The following NEK1 variants were observed in gnomAD, a reference collection of about 807,000 sequenced individuals.
The protein encoded by NEK1 is NIMA related kinase 1, also known as serine/threonine-protein kinase Nek1.
In NEK1, 137 loss-of-function variants were observed where a neutral mutation model predicts 182.1. The observed-to-expected ratio is 0.75, with a 90% CI of 0.65 to 0.87. The LOEUF (loss-of-function observed/expected upper bound fraction) is 0.87, where lower values mean the gene tolerates loss of function less well. NEK1 is among the 40% of genes least tolerant of loss of function. The pLI is 0.00. For synonymous variants in NEK1, 513 were observed against 492.2 expected (o/e 1.04, Z -0.56); for missense variants, 1,391 against 1,494.4 (o/e 0.93, Z 1.14).
chr4:169,452,854 G>A (rs1223262473), intron 27 of NEK1, among the ~76,000 whole-genome samples: 1 of 152,140 alleles, frequency 6.6e-6, no homozygotes, highest in Admixed American at 6.5e-5. Flanking sequence ...TATTCAGTTA[G>A]GAAAAGAGGA....
intron 19 of NEK1, among the ~76,000 whole-genome samples, chr4:169,513,062 GT>G (rs1235185720): frequency 2.0e-5 from 3 of 151,980 alleles, no homozygotes; most frequent in African/African-American, 7.2e-5. Context: ...CTTCAAAATT[GT>G]TTTAGTTACT....
At chr4:169,467,242 T>A (rs1434761320) in intron 26 of NEK1, among the ~76,000 whole-genome samples, 1 of 152,172 alleles carries the variant, frequency 6.6e-6, no homozygotes, top group Non-Finnish European at 1.5e-5. Flanking sequence ...AGGCTATTAC[T>A]AGTTAAATTT....
rs896786881 is a variant in NEK1, at chr4:169,515,512, T to A, written c.1666-6660A>T. 2.4e-4 allele frequency among the ~76,000 whole-genome samples: 36 copies of A among 147,392 alleles called. No individual in the cohort carries two copies. The East Asian group carries it at 4.0e-3, about 17-fold the overall frequency. On this transcript the variant is annotated intron_variant, in intron 19 of 35. Coordinates refer to ENST00000507142, the MANE Select transcript of NEK1 (RefSeq NM_001199397.3). ...ATTGCAATAACTTCTTTTTTTTTTT[T>A]TTATTATACTCTAAGTTTTAGGGTA... is the stretch of plus-strand genomic sequence containing the variant.
chr4:169,438,943 C>T (rs1018733685), intron 27 of NEK1, among the ~76,000 whole-genome samples: 3 of 152,140 alleles, frequency 2.0e-5, no homozygotes, highest in African/African-American at 7.2e-5. Context: ...TTTAAATTTC[C>T]AGTGTTAAGT....
intron 19 of NEK1, among the ~76,000 whole-genome samples, chr4:169,515,038 T>C (rs1037894553): frequency 6.6e-6 from 1 of 152,204 alleles, no homozygotes; most frequent in Non-Finnish European, 1.5e-5. Context: ...TCTATTTCCA[T>C]TCTGTTCTAT....
At chr4:169,523,750 T>C (rs1756462291) in intron 19 of NEK1, among the ~76,000 whole-genome samples, 2 of 152,236 alleles carry the variant, frequency 1.3e-5, no homozygotes, top group Admixed American at 6.5e-5. Flanking sequence ...TAAATAGTTA[T>C]TATTACTTAA....
chr4:169,453,166 CACAA>C (rs1485487238), intron 27 of NEK1, among the ~76,000 whole-genome samples: 1 of 152,076 alleles, frequency 6.6e-6, no homozygotes, highest in Admixed American at 6.5e-5. Context: ...TAAAAGAGGA[CACAA>C]ACAAATGGAA....
chr4:169,454,974 A>G (rs920844344), intron 27 of NEK1, among the ~76,000 whole-genome samples: 1 of 152,234 alleles, frequency 6.6e-6, no homozygotes, highest in Non-Finnish European at 1.5e-5. Context: ...TGGCACATAT[A>G]CACCATGGAA....
At chr4:169,499,993 C>G (rs994805907) in intron 23 of NEK1, among the ~76,000 whole-genome samples, 5 of 152,226 alleles carry the variant, frequency 3.3e-5, no homozygotes, top group African/African-American at 7.2e-5. Flanking sequence ...GCCCTGCCCC[C>G]AGAGGTGGAG....
At chr4:169,530,010 A>G (rs1047362367) in intron 19 of NEK1, among the ~76,000 whole-genome samples, 3 of 152,180 alleles carry the variant, frequency 2.0e-5, no homozygotes, top group Non-Finnish European at 2.9e-5. Context: ...TTAAATGTAC[A>G]CTTACAATAT....
intron 31 of NEK1, among the ~76,000 whole-genome samples, chr4:169,414,082 A>G (rs1160377176): frequency 1.3e-5 from 2 of 152,238 alleles, no homozygotes; most frequent in East Asian, 3.8e-4. Flanking sequence ...CAGCTAGAAC[A>G]GTATATAGAA....
chr4:169,437,945 T>G, intron 28 of NEK1, 138 bp downstream of exon 28: 1 of 672,414 alleles, frequency 1.5e-6, no homozygotes, highest in South Asian at 3.4e-5. Flanking sequence ...GACCAATAGC[T>G]AAAAATATAA....
chr4:169,562,828 T>C (rs959970972), intron 12 of NEK1, among the ~76,000 whole-genome samples: 2 of 152,178 alleles, frequency 1.3e-5, no homozygotes, highest in Non-Finnish European at 2.9e-5. Context: ...TAATGGTATA[T>C]ATTAGATATT....
intron 29 of NEK1, among the ~76,000 whole-genome samples, chr4:169,430,665 T>C (rs1737255638): frequency 6.6e-6 from 1 of 152,194 alleles, no homozygotes; most frequent in Non-Finnish European, 1.5e-5. Context: ...AATAATAGTG[T>C]AATGTGAATC....
intron 26 of NEK1, among the ~76,000 whole-genome samples, chr4:169,472,727 C>T (rs1027154704): frequency 2.0e-5 from 3 of 152,204 alleles, no homozygotes; most frequent in Admixed American, 2.0e-4. Flanking sequence ...ACACCAGTGT[C>T]TCTCCTCATT....
At chr4:169,484,310 T>G (rs1273291739) in intron 23 of NEK1, among the ~76,000 whole-genome samples, 1 of 152,174 alleles carries the variant, frequency 6.6e-6, no homozygotes, top group African/African-American at 2.4e-5. Context: ...CCTCCCAGAG[T>G]GCTGGGATTA....
At chr4:169,566,185 T>C (rs530316427) in intron 12 of NEK1, among the ~76,000 whole-genome samples, 39 of 152,302 alleles carry the variant, frequency 2.6e-4, no homozygotes, top group Admixed American at 7.2e-4. Flanking sequence ...GGATTATATA[T>C]ATATTACACA....
intron 8 of NEK1, among the ~76,000 whole-genome samples, chr4:169,587,905 T>A (rs975791189): frequency 6.6e-6 from 1 of 151,964 alleles, no homozygotes; most frequent in Non-Finnish European, 1.5e-5. Flanking sequence ...AAACTCAAAC[T>A]TTTTTCAATT....
At chr4:169,427,189 C>T (rs1424630569) in intron 29 of NEK1, among the ~76,000 whole-genome samples, 2 of 151,930 alleles carry the variant, frequency 1.3e-5, no homozygotes, top group South Asian at 2.1e-4. Flanking sequence ...TGCAGTGGCA[C>T]GATCTCGGCT....
Sources: gnomAD v4.1 joint callset for allele counts (sites outside exome capture counted in the v4.1 genomes callset) on GRCh38, gnomAD v4.1.1 for gene constraint, MANE v1.5 for transcripts, NCBI Gene and HGNC (gene_info 2026-07-23, HGNC 2026-07-21) for gene names.